PTPRB: variants seen among roughly 807,000 people sequenced by gnomAD.
The protein encoded by PTPRB is receptor-type tyrosine-protein phosphatase beta.
A neutral mutation model predicts 238.1 loss-of-function variants in PTPRB; 97 were observed. The ratio of observed to expected loss-of-function variants is 0.41; its 90% confidence interval spans 0.35 to 0.48. PTPRB has a LOEUF of 0.48. PTPRB is among the 20% of genes least tolerant of loss of function. PTPRB has a pLI of 0.30. For missense variants in PTPRB, 2,292 were observed against 2,681.9 expected (o/e 0.85, Z 3.21); for synonymous variants, 970 against 995.4 (o/e 0.97, Z 0.48).
At position 70,555,305 on chromosome 12, in the gene PTPRB, G is replaced by A. The variant is rs75994780; in HGVS notation, c.4998C>T (p.Pro1666=). 33,172 of 1,610,770 alleles carry A rather than the reference G, an allele frequency of 0.021. 434 individuals carry two copies. The highest frequency in any genetic ancestry group is 0.024 in the Middle Eastern group (122 of 5,102). Residue 1666 remains proline, a synonymous_variant, in exon 20 of 34, where the codon CCC becomes CCT. Transcript: ENST00000334414. The stretch of plus-strand genomic sequence containing the variant: ...CACGAATGTGTGGGGGTGGAGGAGG[G>A]GGGCCTGGAAAAAGAGGTGGGGAAG... ...EDSTITMIDR[P]PPPPPHIRVN...
At chr12:70,631,224 A>C (rs1313636861) in intron 2 of PTPRB, among the ~76,000 whole-genome samples, 1 of 152,220 alleles carries the variant, frequency 6.6e-6, no homozygotes, top group African/African-American at 2.4e-5. Context: ...CTGGTACCAA[A>C]ACAGAGATAT....
chr12:70,553,035 C>T lies in PTPRB; in HGVS notation c.5144-15G>A. The T allele has an allele frequency of 6.2e-7, 1 of 1,611,394 alleles. No individual in the cohort carries two copies. Among genetic ancestry groups the T allele is most frequent in the Non-Finnish European group, 8.5e-7 (1 of 1,178,120 alleles). ...CTCATCACTGCCTGGAGGAGAAAACCCACAGTTAAGGACTGCCTTTCTTGT... is the reference window on the plus strand; with the variant it reads ...CTCATCACTGCCTGGAGGAGAAAACTCACAGTTAAGGACTGCCTTTCTTGT... On this transcript the variant is annotated splice_polypyrimidine_tract_variant and intron_variant, in intron 20 of 33. Coordinates refer to ENST00000334414, the MANE Select transcript of PTPRB (RefSeq NM_001109754.4).
At chr12:70,539,194 T>A (rs1874658138) in intron 26 of PTPRB, 180 bp from the exon 27 acceptor site, 1 of 612,102 alleles carries the variant, frequency 1.6e-6, no homozygotes, top group Admixed American at 2.8e-5. Flanking sequence ...GAGGTGGTGG[T>A]CTCACTATTT....
chr12:70,602,671 G>A lies in PTPRB; in HGVS notation c.980-6344C>T, dbSNP rs946924975. 2.0e-5 allele frequency among the ~76,000 whole-genome samples: 3 copies of A among 152,134 alleles called. No individual in the cohort carries two copies. In the East Asian group the frequency reaches 5.8e-4, roughly 29 times the overall value. Reference sequence around the variant, plus strand: ...CAAAATGATGTGCAGTGGGGGAGTGGGTGGGGATATAGATGAAACAAGGTT... The same window carrying A: ...CAAAATGATGTGCAGTGGGGGAGTGAGTGGGGATATAGATGAAACAAGGTT... On this transcript the variant is annotated intron_variant, in intron 4 of 33. Transcript: ENST00000334414.
chr12:70,535,573 A>G (rs1461066332), intron 29 of PTPRB, among the ~76,000 whole-genome samples: 2 of 152,156 alleles, frequency 1.3e-5, no homozygotes, highest in South Asian at 2.1e-4. Flanking sequence ...AAATAACCAT[A>G]TAAAGTAGAG....
chr12:70,534,660 G>T lies in PTPRB; in HGVS notation c.6205-9C>A. The T allele has an allele frequency of 3.1e-6, 5 of 1,610,834 alleles. No individual in the cohort carries two copies. Among genetic ancestry groups the T allele is most frequent in the Non-Finnish European group, 4.2e-6 (5 of 1,178,396 alleles). On this transcript the variant is annotated splice_polypyrimidine_tract_variant and intron_variant, in intron 30 of 33. Transcript: ENST00000334414. Reference sequence around the variant, plus strand: ...GCATCAAGCTGTTCCTCCTGTAAGAGCAGAGAGCAGGATAAAAGAGGAACT... The same window carrying T: ...GCATCAAGCTGTTCCTCCTGTAAGATCAGAGAGCAGGATAAAAGAGGAACT...
At chr12:70,593,906 T>C (rs68080573) in intron 6 of PTPRB, among the ~76,000 whole-genome samples, 16,311 of 152,270 alleles carry the variant, frequency 0.11, 994 homozygotes, top group Non-Finnish European at 0.13. Flanking sequence ...ATATCAGCAA[T>C]GCCCAGCATC....
At chr12:70,601,764 A>G (rs907151993) in intron 4 of PTPRB, among the ~76,000 whole-genome samples, 1 of 150,884 alleles carries the variant, frequency 6.6e-6, no homozygotes, top group African/African-American at 2.4e-5. Context: ...ACATTTCTAG[A>G]GAGGTAATTT....
At chr12:70,616,262 T>C (rs891445579) in intron 3 of PTPRB, among the ~76,000 whole-genome samples, 1 of 152,176 alleles carries the variant, frequency 6.6e-6, no homozygotes, top group Admixed American at 6.5e-5. Flanking sequence ...TTCTTTAATG[T>C]GGAACAATTC....
intron 11 of PTPRB, among the ~76,000 whole-genome samples, chr12:70,574,398 C>T (rs1395880808): frequency 6.6e-6 from 1 of 152,142 alleles, no homozygotes; most frequent in South Asian, 2.1e-4. Flanking sequence ...AAACCAATTA[C>T]AGTGTTGTTA....
chr12:70,629,761 G>GAT (rs1885361502), intron 2 of PTPRB, among the ~76,000 whole-genome samples: 1 of 151,880 alleles, frequency 6.6e-6, no homozygotes, highest in East Asian at 1.9e-4. Context: ...ATGATAAAGG[G>GAT]ATATCACCAC....
intron 1 of PTPRB, among the ~76,000 whole-genome samples, chr12:70,636,652 A>G (rs1241539909): frequency 1.3e-5 from 2 of 152,200 alleles, no homozygotes; most frequent in Non-Finnish European, 2.9e-5. Context: ...ATTGCAGCCA[A>G]TGAAAGTATT....
intron 18 of PTPRB, 31 bp downstream of exon 18, chr12:70,559,312 T>C: frequency 6.3e-7 from 1 of 1,577,590 alleles, no homozygotes; most frequent in South Asian, 1.1e-5. Context: ...CTACTCCATT[T>C]GAGAAATAAG....
chr12:70,562,598 A>AT (rs1260119974), intron 16 of PTPRB, among the ~76,000 whole-genome samples: 1 of 152,146 alleles, frequency 6.6e-6, no homozygotes, highest in Admixed American at 6.5e-5. Context: ...AACCGCATTC[A>AT]TTTTTTACCA....
In PTPRB at chr12:70,635,816, A is replaced by G. The variant is rs1212267103; in HGVS notation, c.306T>C (p.Leu102=). The change falls in exon 2 of 34, where the codon CTT becomes CTC. Residue 102 remains leucine, a synonymous_variant. Coordinates refer to ENST00000334414, the MANE Select transcript of PTPRB (RefSeq NM_001109754.4). The part of the protein sequence containing the change: ...RWTCYDQEGF[L]EVENASLFLQ... Reference sequence around the variant, plus strand: ...GAAAGAGAGAGGCATTTTCCACCTCAAGGAAGCCTTCCTGATCATAGCAGG... The same window carrying G: ...GAAAGAGAGAGGCATTTTCCACCTCGAGGAAGCCTTCCTGATCATAGCAGG... 2 of 1,613,576 alleles carry G rather than the reference A, an allele frequency of 1.2e-6. No individual in the cohort carries two copies. Among genetic ancestry groups the G allele is most frequent in the Non-Finnish European group, 8.5e-7 (1 of 1,179,740 alleles).
chr12:70,624,413 G>A (rs10879172), intron 2 of PTPRB, among the ~76,000 whole-genome samples: 28,620 of 151,834 alleles, frequency 0.19, 3,782 homozygotes, highest in African/African-American at 0.37. Context: ...ATCCTGTGCC[G>A]CTATTACTGC....
intron 18 of PTPRB, among the ~76,000 whole-genome samples, chr12:70,556,625 CAAAT>C (rs971161839): frequency 1.3e-5 from 2 of 152,118 alleles, no homozygotes; most frequent in African/African-American, 4.8e-5. Context: ...GAATTTCCCA[CAAAT>C]AAATGTTAGA....
intron 2 of PTPRB, 67 bp downstream of exon 2, chr12:70,635,604 A>ACAAG: frequency 6.6e-7 from 1 of 1,514,828 alleles, no homozygotes; most frequent in Non-Finnish European, 8.9e-7. Context: ...AAACAAACAA[A>ACAAG]CAAACAAAAC....
intron 3 of PTPRB, among the ~76,000 whole-genome samples, chr12:70,619,334 A>AATGATAATGATT: frequency 6.6e-6 from 1 of 151,938 alleles, no homozygotes; most frequent in African/African-American, 2.4e-5. Flanking sequence ...TGATAATGAT[A>AATGATAATGATT]ATGATGATAC....
Sources: gnomAD v4.1 joint callset for allele counts (sites outside exome capture counted in the v4.1 genomes callset) on GRCh38, gnomAD v4.1.1 for gene constraint, MANE v1.5 for transcripts, NCBI Gene and HGNC (gene_info 2026-07-23, HGNC 2026-07-21) for gene names.